The following SEPTIN2 variants were observed in gnomAD, a reference collection of about 807,000 sequenced individuals.
SEPTIN2 encodes the protein septin-2.
A neutral mutation model predicts 46.5 loss-of-function variants in SEPTIN2; 34 were observed. The observed-to-expected ratio is 0.73, with a 90% CI of 0.56 to 0.97. The LOEUF is 0.97. Among genes scored for constraint, SEPTIN2 ranks in the 50% least tolerant of loss-of-function variants. The pLI, the probability that SEPTIN2 is intolerant of heterozygous loss-of-function variation, is 0.00. For synonymous variants in SEPTIN2, 175 were observed against 153.4 expected (o/e 1.14, Z -1.04); for missense variants, 347 against 448.4 (o/e 0.77, Z 2.04).
intron 1 of SEPTIN2, among the ~76,000 whole-genome samples, chr2:241,317,865 A>T (rs1404190507): frequency 6.6e-6 from 1 of 152,210 alleles, no homozygotes; most frequent in Non-Finnish European, 1.5e-5. Context: ...GGTCAAGATT[A>T]AAGAACTTTA....
chr2:241,337,417 T>C lies in SEPTIN2; in HGVS notation c.377T>C (p.Phe126Ser). Residue 126 changes from phenylalanine to serine, a missense_variant, in exon 6 of 13, where the codon TTT becomes TCT. Phe to Ser is a radical substitution (Grantham distance 155, BLOSUM62 -2). Transcript: ENST00000391971. ...ATTATCTCCTATATTGATGAGCAAT[T>C]TGAGAGGTACCTGCATGACGAGAGC... is the stretch of plus-strand genomic sequence containing the variant. ...KTIISYIDEQ[F>S]ERYLHDESGL... The C allele has an allele frequency of 6.2e-7, 1 of 1,614,022 alleles. No homozygotes were observed. Among genetic ancestry groups the C allele is most frequent in the Non-Finnish European group, 8.5e-7 (1 of 1,179,932 alleles).
intron 1 of SEPTIN2, chr2:241,317,565 G>A (rs1014121239): frequency 4.1e-6 from 4 of 981,842 alleles, no homozygotes; most frequent in Non-Finnish European, 3.6e-6. Context: ...CTGGAGGAAT[G>A]GGGACACCAA....
At chr2:241,330,702 A>T (rs1425391540) in intron 3 of SEPTIN2, among the ~76,000 whole-genome samples, 1 of 152,250 alleles carries the variant, frequency 6.6e-6, no homozygotes, top group Non-Finnish European at 1.5e-5. Flanking sequence ...TCCGTAATGT[A>T]TCAATCCCAT....
In SEPTIN2 at chr2:241,331,139, A is replaced by G. The variant is rs1006749083; in HGVS notation, c.131-3987A>G. On this transcript the variant is annotated intron_variant, in intron 3 of 12. Coordinates refer to ENST00000391971, the MANE Select transcript of SEPTIN2 (RefSeq NM_004404.5). The stretch of plus-strand genomic sequence containing the variant: ...GGTTTCAGTGAGCCGAGGTCATGCC[A>G]CTGCACTCCAGCCTGCATGACAGAG... 5.9e-5 allele frequency among the ~76,000 whole-genome samples: 9 copies of G among 152,316 alleles called. 2 individuals are homozygous for G. Among genetic ancestry groups the G allele is most frequent in the East Asian group, 1.9e-4 (1 of 5,188 alleles).
At chr2:241,321,586 CT>C (rs1026214942) in intron 1 of SEPTIN2, among the ~76,000 whole-genome samples, 2 of 151,206 alleles carry the variant, frequency 1.3e-5, no homozygotes, top group African/African-American at 4.9e-5. Flanking sequence ...TTTTTTTTCC[CT>C]TGGTTTTTCA....
chr2:241,343,583 A>G (rs1185196432), intron 8 of SEPTIN2, among the ~76,000 whole-genome samples, 169 bp from the exon 9 acceptor site: 1 of 152,222 alleles, frequency 6.6e-6, no homozygotes, highest in Admixed American at 6.5e-5. Context: ...AATTTGTCCC[A>G]TGTAGAAAGT....
In SEPTIN2 at chr2:241,353,537, C is replaced by T. The variant is rs550876509; in HGVS notation, c.*1600C>T. ...AATAATAGTTAATGAAGGTGTGCTA[C>T]AGAAAATAATCTGGTGTTCTTGCTA... On this transcript the variant is annotated 3_prime_UTR_variant, in exon 13 of 13. Transcript: ENST00000391971. The T allele has an allele frequency of 1.3e-5, 2 of 152,276 alleles. No homozygotes were observed. The highest frequency in any genetic ancestry group is 4.8e-5 in the African/African-American group (2 of 41,556). 9.4% of individuals were successfully genotyped at this position (152,276 alleles called of 1,614,324 possible).
At chr2:241,323,829 A>G (rs2077512405) in intron 1 of SEPTIN2, among the ~76,000 whole-genome samples, 1 of 152,226 alleles carries the variant, frequency 6.6e-6, no homozygotes, top group Non-Finnish European at 1.5e-5. Context: ...TCATTTAAAG[A>G]TACAAATTTG....
chr2:241,336,685 G>A (rs1369938885), intron 5 of SEPTIN2: 1 of 171,454 alleles, frequency 5.8e-6, no homozygotes, highest in Non-Finnish European at 1.4e-5. Flanking sequence ...TGAAAGTGCT[G>A]TACTGTTTCC....
At chr2:241,319,333 G>A (rs976491848) in intron 1 of SEPTIN2, among the ~76,000 whole-genome samples, 5 of 152,328 alleles carry the variant, frequency 3.3e-5, no homozygotes, top group Non-Finnish European at 2.9e-5. Flanking sequence ...TGGCATTGAT[G>A]ATTGTGGAAA....
intron 1 of SEPTIN2, chr2:241,316,335 G>C (rs984717538): frequency 4.6e-5 from 22 of 473,872 alleles, no homozygotes; most frequent in Non-Finnish European, 7.5e-5. Flanking sequence ...TTTGGTGCTT[G>C]GAGGGAGGAT....
At chr2:241,336,407 A>C (rs1278003584) in intron 5 of SEPTIN2, 2 of 316,310 alleles carry the variant, frequency 6.3e-6, no homozygotes, top group East Asian at 1.3e-4. Context: ...TCTATGTGGA[A>C]GGAAGTGAAA....
chr2:241,327,508 C>CA (rs573510324), intron 3 of SEPTIN2, among the ~76,000 whole-genome samples: 19,330 of 125,306 alleles, frequency 0.15, 3,299 homozygotes, highest in African/African-American at 0.44. Flanking sequence ...GACAGGAAAG[C>CA]AAAAAAAAAA....
rs6754052 is a variant in SEPTIN2 at position 241,335,482 on chromosome 2, T to G, written c.217+270T>G. 292 of 823,596 alleles carry G rather than the reference T, an allele frequency of 3.5e-4. 4 individuals carry two copies. The highest frequency in any genetic ancestry group is 3.5e-3 in the African/African-American group (202 of 58,046). The allele number at this position is 823,596 out of a possible 1,614,324, so 51.0% of individuals were successfully genotyped here. On this transcript the variant is annotated intron_variant, in intron 4 of 12. Transcript: ENST00000391971. ...GTTTCTGCCTATATTAAATATTTGA[T>G]GGAAGGATTAAGTGAGAATGTTTTA...
Position 241,326,055 on chromosome 2 carries a change from C to A in SEPTIN2, c.72C>A (p.Pro24=), listed in dbSNP as rs1325294034. Residue 24 remains proline, a synonymous_variant, in exon 3 of 13, where the codon CCC becomes CCA. Coordinates refer to ENST00000391971, the MANE Select transcript of SEPTIN2 (RefSeq NM_004404.5). ...GCTATGTTGGATTTGCAAACCTCCCCAATCAAGTTCACCGAAAATCAGTGA... is the reference window on the plus strand; with the variant it reads ...GCTATGTTGGATTTGCAAACCTCCCAAATCAAGTTCACCGAAAATCAGTGA... ...TPGYVGFANL[P]NQVHRKSVKK... is the part of the protein sequence containing the mutation. The A allele has an allele frequency of 1.4e-5, 22 of 1,613,514 alleles. No homozygotes were observed. The highest frequency in any genetic ancestry group is 3.3e-5 in the Admixed American group (2 of 59,974).
At chr2:241,348,380 A>G (rs1485740124) in intron 11 of SEPTIN2, among the ~76,000 whole-genome samples, 189 bp downstream of exon 11, 2 of 151,998 alleles carry the variant, frequency 1.3e-5, no homozygotes, top group African/African-American at 4.8e-5. Flanking sequence ...GGTGCCCGCC[A>G]CCATGCCTGG....
chr2:241,336,507 T>A (rs933349487), intron 5 of SEPTIN2: 3 of 182,258 alleles, frequency 1.6e-5, no homozygotes, highest in African/African-American at 7.1e-5. Context: ...AAGTAGAAGA[T>A]AGAGCAGTCT....
intron 6 of SEPTIN2, 45 bp downstream of exon 6, chr2:241,337,561 T>A: frequency 6.2e-7 from 1 of 1,603,262 alleles, no homozygotes; most frequent in Non-Finnish European, 8.5e-7. Flanking sequence ...TACATGGGTT[T>A]GTAAGTTTTA....
chr2:241,335,811 CCTTT>C (rs753651600), intron 4 of SEPTIN2, 160 bp from the exon 5 acceptor site: 8 of 795,248 alleles, frequency 1.0e-5, no homozygotes. Context: ...TTAACCTTCC[CCTTT>C]CTGACTTCTC....
Sources: allele counts gnomAD v4.1 joint callset (sites outside exome capture counted in the v4.1 genomes callset), GRCh38; gene constraint gnomAD v4.1.1; transcripts MANE v1.5; gene names NCBI Gene and HGNC (gene_info 2026-07-23, HGNC 2026-07-21).